The following ZFHX3 variants were observed in gnomAD, a reference collection of about 807,000 sequenced individuals.
The protein encoded by ZFHX3 is zinc finger homeobox protein 3.
A neutral mutation model predicts 279.1 loss-of-function variants in ZFHX3; 42 were observed. The ratio of observed to expected loss-of-function variants is 0.15; its 90% confidence interval spans 0.12 to 0.19. ZFHX3 has a LOEUF of 0.19. Ranked by LOEUF, ZFHX3 falls within the 10% of genes least tolerant of loss-of-function variation. The pLI is 1.00. For synonymous variants in ZFHX3, 2,293 were observed against 1,957.8 expected (o/e 1.17, Z -4.52); for missense variants, 4,981 against 4,754.0 (o/e 1.05, Z -1.40).
intron 3 of ZFHX3, among the ~76,000 whole-genome samples, chr16:73,353,630 T>TA (rs1201730588): frequency 6.6e-6 from 1 of 152,142 alleles, no homozygotes; most frequent in Admixed American, 6.5e-5. Flanking sequence ...CATGGCCACT[T>TA]AGCCATCCTG....
intron 2 of ZFHX3, among the ~76,000 whole-genome samples, chr16:73,479,542 C>A (rs1340084068): frequency 2.0e-5 from 3 of 152,212 alleles, no homozygotes; most frequent in African/African-American, 4.8e-5. Flanking sequence ...CCTGAGACAT[C>A]CCAGGCATGC....
chr16:73,771,310 A>C (rs1511924), intron 1 of ZFHX3, among the ~76,000 whole-genome samples: 82,681 of 151,984 alleles, frequency 0.54, 22,916 homozygotes, highest in Middle Eastern at 0.62. Flanking sequence ...CCCCTTAAGC[A>C]GGAGATCCTG....
At chr16:73,587,277 C>A (rs181598452) in intron 2 of ZFHX3, among the ~76,000 whole-genome samples, 2 of 152,232 alleles carry the variant, frequency 1.3e-5, no homozygotes, top group Admixed American at 1.3e-4. Context: ...AGTAAATATA[C>A]CAGCAGATAA....
At chr16:73,243,173 T>C (rs2013177113) in intron 5 of ZFHX3, among the ~76,000 whole-genome samples, 5 of 152,232 alleles carry the variant, frequency 3.3e-5, no homozygotes, top group Admixed American at 3.3e-4. Context: ...AGTTGGGTTA[T>C]ATAAGCAGGT....
intron 5 of ZFHX3, among the ~76,000 whole-genome samples, chr16:73,229,739 T>G (rs1450016710): frequency 6.6e-6 from 1 of 152,226 alleles, no homozygotes; most frequent in Non-Finnish European, 1.5e-5. Flanking sequence ...TTAATTCATC[T>G]AAAATCATGT....
In ZFHX3 at chr16:73,541,207, C is replaced by T. The variant is rs138265092; in HGVS notation, c.-1546-84949G>A. Among the ~76,000 whole-genome samples, 354 of 152,270 alleles carry T rather than the reference C, an allele frequency of 2.3e-3. 4 individuals carry two copies. The highest frequency in any genetic ancestry group is 0.01 in the Middle Eastern group (3 of 294). ...CCCACTCTCCTCTCCACAGACCCCA[C>T]GAAGTATTAAACACATGCTATCATC... is the stretch of plus-strand genomic sequence containing the variant. On this transcript the variant is annotated intron_variant, in intron 2 of 17. Transcript: ENST00000641206.
At chr16:73,187,171 C>CACACACACACAT (rs1386424547) in intron 5 of ZFHX3, among the ~76,000 whole-genome samples, 1 of 151,812 alleles carries the variant, frequency 6.6e-6, no homozygotes, top group Non-Finnish European at 1.5e-5. Context: ...CACACACACA[C>CACACACACACAT]ACTCACTCAG....
intron 1 of ZFHX3, among the ~76,000 whole-genome samples, chr16:73,682,878 GAA>G (rs199828416): frequency 0.017 from 509 of 29,394 alleles, 29 homozygotes; most frequent in East Asian, 0.08. Context: ...AAGAAAGAAA[GAA>G]AGAAAGAAAG....
chr16:73,424,923 G>T (rs1219612113), intron 3 of ZFHX3, among the ~76,000 whole-genome samples: 5 of 152,032 alleles, frequency 3.3e-5, no homozygotes, highest in African/African-American at 1.2e-4. Flanking sequence ...TGTTCACTGG[G>T]CTGGACTTTC....
chr16:73,060,897 A>G (rs1250295655), upstream of ZFHX3: 2 of 152,240 alleles, frequency 1.3e-5, no homozygotes, highest in African/African-American at 4.8e-5. Flanking sequence ...GAGATTTTCC[A>G]ATGCTCTTAA....
At chr16:73,891,509 G>A (rs185036017) in intron 1 of ZFHX3, 1 of 152,228 alleles carries the variant, frequency 6.6e-6, no homozygotes, top group African/African-American at 2.4e-5. Flanking sequence ...GGGAGAGAGA[G>A]GGGGAGAGAG....
At chr16:72,843,769 T>C (rs989259484) in intron 4 of ZFHX3, among the ~76,000 whole-genome samples, 5 of 151,982 alleles carry the variant, frequency 3.3e-5, no homozygotes, top group African/African-American at 4.8e-5. Flanking sequence ...AATGGTACCA[T>C]AGTTGTTCAA....
rs73597040 is a variant in ZFHX3, at chr16:73,443,723, C to A, written c.-1291+12280G>T. Among the ~76,000 whole-genome samples, 138 of 152,154 alleles carry A rather than the reference C, an allele frequency of 9.1e-4. 1 individual carries two copies. Among genetic ancestry groups the A allele is most frequent in the African/African-American group, 3.1e-3 (127 of 41,502 alleles). The stretch of plus-strand genomic sequence containing the variant: ...GATTCAAAAATATCCACATAAAATT[C>A]CACCATATATTTAGCCAGTTAAGTT... On this transcript the variant is annotated intron_variant, in intron 3 of 17. Coordinates refer to the ZFHX3 transcript ENST00000641206.
chr16:72,879,114 G>A (rs745430627), intron 4 of ZFHX3, among the ~76,000 whole-genome samples: 15 of 152,150 alleles, frequency 9.9e-5, no homozygotes, highest in Non-Finnish European at 1.5e-4. Flanking sequence ...GACGGGCTCC[G>A]AATGAAAGCT....
At chr16:73,227,648 A>G (rs1044246051) in intron 5 of ZFHX3, among the ~76,000 whole-genome samples, 1 of 151,992 alleles carries the variant, frequency 6.6e-6, no homozygotes, top group Non-Finnish European at 1.5e-5. Flanking sequence ...CACGAGCCCG[A>G]GACCAGCCTG....
chr16:73,528,317 T>C (rs764202915), intron 2 of ZFHX3, among the ~76,000 whole-genome samples: 27 of 152,258 alleles, frequency 1.8e-4, no homozygotes, highest in Non-Finnish European at 2.6e-4. Context: ...CTGTCCTTGA[T>C]GGATATCAAT....
At chr16:73,371,458 C>A (rs899731747) in intron 3 of ZFHX3, among the ~76,000 whole-genome samples, 1 of 151,808 alleles carries the variant, frequency 6.6e-6, no homozygotes, top group Non-Finnish European at 1.5e-5. Flanking sequence ...CAACTCGGCT[C>A]GCTGCAACCT....
chr16:73,331,863 C>A (rs758351462), intron 3 of ZFHX3, among the ~76,000 whole-genome samples: 1 of 152,160 alleles, frequency 6.6e-6, no homozygotes, highest in African/African-American at 2.4e-5. Flanking sequence ...ACGAGTAAAG[C>A]TTTCATCTGC....
At chr16:72,846,642 G>T (rs1257140933) in intron 4 of ZFHX3, among the ~76,000 whole-genome samples, 1 of 152,276 alleles carries the variant, frequency 6.6e-6, no homozygotes, top group South Asian at 2.1e-4. Context: ...GCAGAGAACT[G>T]TTTGTGTGGG....
Sources: gnomAD v4.1 joint callset for allele counts (sites outside exome capture counted in the v4.1 genomes callset) on GRCh38, gnomAD v4.1.1 for gene constraint, MANE v1.5 for transcripts, NCBI Gene and HGNC (gene_info 2026-07-23, HGNC 2026-07-21) for gene names.